SH3BP4: variants seen among roughly 807,000 people sequenced by gnomAD.
SH3BP4 encodes the protein SH3 domain binding protein 4.
In SH3BP4, 33 loss-of-function variants were observed where a neutral mutation model predicts 65.5. The ratio of observed to expected loss-of-function variants is 0.50; its 90% CI spans 0.38 to 0.67. SH3BP4 has a LOEUF of 0.67. Ranked by LOEUF, SH3BP4 falls within the 30% of genes least tolerant of loss-of-function variation. SH3BP4 has a pLI of 0.00. For synonymous variants in SH3BP4, 552 were observed against 545.5 expected, an observed-to-expected ratio of 1.01 and a Z score of -0.17; for missense variants, 1,134 against 1,261.4, an observed-to-expected ratio of 0.90 and a Z score of 1.53.
intron 1 of SH3BP4, among the ~76,000 whole-genome samples, chr2:234,973,554 C>T (rs1233977293): frequency 6.6e-6 from 1 of 152,174 alleles, no homozygotes; most frequent in Non-Finnish European, 1.5e-5. Context: ...CTTTCTGAGG[C>T]AGTCGTATGC....
At chr2:235,047,024 A>C (rs1695884461) in intron 4 of SH3BP4, among the ~76,000 whole-genome samples, 1 of 152,202 alleles carries the variant, frequency 6.6e-6, no homozygotes, top group Admixed American at 6.5e-5. Context: ...TGTCAGCTGA[A>C]GAATGACAAG....
chr2:235,043,872 T>C (rs2106336884), intron 4 of SH3BP4, among the ~76,000 whole-genome samples: 1 of 152,402 alleles, frequency 6.6e-6, no homozygotes, highest in African/African-American at 2.4e-5. Context: ...TTACGGGGGA[T>C]CCTGGGGGGC....
chr2:235,037,747 C>A (rs944889702), intron 3 of SH3BP4, among the ~76,000 whole-genome samples: 1 of 152,146 alleles, frequency 6.6e-6, no homozygotes, highest in Non-Finnish European at 1.5e-5. Context: ...TCCTGGAGAT[C>A]ATGACTAGCA....
rs918419505 is a variant in SH3BP4 at position 235,025,740 on chromosome 2, A to T, written c.-132-9131A>T. 5.3e-5 allele frequency among the ~76,000 whole-genome samples: 8 copies of T among 152,220 alleles called. No individual in the cohort carries two copies. The East Asian group carries it at 1.5e-3, about 29-fold the overall frequency. On this transcript the variant is annotated intron_variant, in intron 2 of 5. Transcript: ENST00000392011. ...GGATAAAAGCAGTAAATGCCTAGAG[A>T]TGATGACGGGTGTCCAGGAGAGCTA...
intron 2 of SH3BP4, among the ~76,000 whole-genome samples, chr2:234,996,983 G>A (rs974555741): frequency 7.7e-5 from 11 of 142,530 alleles, no homozygotes; most frequent in African/African-American, 2.8e-4. Flanking sequence ...AGACATCTGG[G>A]AAGAGGAACG....
At chr2:235,017,895 G>A (rs558222582) in intron 2 of SH3BP4, among the ~76,000 whole-genome samples, 2 of 152,094 alleles carry the variant, frequency 1.3e-5, no homozygotes, top group African/African-American at 2.4e-5. Context: ...TTCCTGAAAC[G>A]CAGCAAGACT....
chr2:234,960,954 A>G (rs1434403044), intron 1 of SH3BP4, among the ~76,000 whole-genome samples: 1 of 152,206 alleles, frequency 6.6e-6, no homozygotes, highest in Non-Finnish European at 1.5e-5. Flanking sequence ...CACAGACTGC[A>G]ATATGAGAAG....
intron 2 of SH3BP4, among the ~76,000 whole-genome samples, chr2:235,032,922 G>T (rs1391396373): frequency 2.0e-5 from 3 of 152,330 alleles, no homozygotes; most frequent in East Asian, 3.9e-4. Context: ...AACTTCATGG[G>T]GAAAGATGGA....
At chr2:234,975,387 CT>C (rs752265743) in intron 1 of SH3BP4, among the ~76,000 whole-genome samples, 12 of 152,164 alleles carry the variant, frequency 7.9e-5, no homozygotes, top group Non-Finnish European at 1.8e-4. Context: ...GCCCAGAACT[CT>C]GTCTGCACCT....
At chr2:235,023,587 T>C (rs1181569992) in intron 2 of SH3BP4, among the ~76,000 whole-genome samples, 2 of 152,128 alleles carry the variant, frequency 1.3e-5, no homozygotes, top group Non-Finnish European at 1.5e-5. Context: ...AAATTCATTT[T>C]ATAAAAAGCG....
chr2:235,027,751 G>A lies in SH3BP4; in HGVS notation c.-132-7120G>A, dbSNP rs112487810. Among the ~76,000 whole-genome samples the A allele has an allele frequency of 1.6e-3, 249 of 152,324 alleles. 1 individual carries two copies. Among genetic ancestry groups the A allele is most frequent in the African/African-American group, 5.7e-3 (235 of 41,580 alleles). Reference sequence around the variant, plus strand: ...AGGCCAGCTGCTTTCCTTCTGCAGCGTTCAGGTTCGTGGCCGCAGGAGAAC... The same window carrying A: ...AGGCCAGCTGCTTTCCTTCTGCAGCATTCAGGTTCGTGGCCGCAGGAGAAC... On this transcript the variant is annotated intron_variant, in intron 2 of 5. Coordinates refer to ENST00000392011, the MANE Select transcript of SH3BP4 (RefSeq NM_014521.3).
At chr2:234,962,744 A>G (rs1041504153) in intron 1 of SH3BP4, among the ~76,000 whole-genome samples, 1 of 150,712 alleles carries the variant, frequency 6.6e-6, no homozygotes, top group Non-Finnish European at 1.5e-5. Flanking sequence ...AATGAATACT[A>G]TGCTTTTTTT....
Position 235,041,288 on chromosome 2 carries a change from G to T in SH3BP4, c.519G>T (p.Gly173=), listed in dbSNP as rs779136480. 12 of 1,614,042 alleles carry T rather than the reference G, an allele frequency of 7.4e-6. No homozygotes were observed. Among genetic ancestry groups the T allele is most frequent in the Admixed American group, 1.7e-5 (1 of 60,008 alleles). ...TCCAGACCAATCCATTTCTGAATGG[G>T]AACGTGCCCGTCATGCCCAGCCTGG... The part of the protein sequence containing the change: ...NGVQTNPFLN[G]NVPVMPSLDE... Residue 173 remains glycine, a synonymous_variant, in exon 4 of 6, where the codon GGG becomes GGT. Transcript: ENST00000392011. The surrounding 1 kb of genome is among the most constrained non-coding windows in gnomAD (Gnocchi z 6.0).
intron 1 of SH3BP4, among the ~76,000 whole-genome samples, chr2:234,965,178 A>G (rs994372291): frequency 6.6e-6 from 1 of 152,254 alleles, no homozygotes; most frequent in African/African-American, 2.4e-5. Context: ...CTTTCATCCC[A>G]GAGAGAAAAA....
At position 235,055,292 on chromosome 2, in the gene SH3BP4, T is replaced by TA. The variant is rs1215021132; in HGVS notation, c.*1478dup. On this transcript the variant is annotated 3_prime_UTR_variant, in exon 6 of 6. Coordinates refer to ENST00000392011, the MANE Select transcript of SH3BP4 (RefSeq NM_014521.3). Reference sequence around the variant, plus strand: ...CTTGAAACATGTTACTTCCTTAGTATAATCAATGTATACTCCCTTACTGGC... The same window carrying TA: ...CTTGAAACATGTTACTTCCTTAGTATAAATCAATGTATACTCCCTTACTGGC... 1.3e-5 allele frequency: 2 copies of TA among 152,514 alleles called. No homozygotes were observed. The allele number at this position is 152,514 out of a possible 1,614,324, so 9.4% of individuals were successfully genotyped here.
At chr2:234,982,427 G>A (rs1693416537) in intron 1 of SH3BP4, among the ~76,000 whole-genome samples, 1 of 152,184 alleles carries the variant, frequency 6.6e-6, no homozygotes, top group Admixed American at 6.5e-5. Context: ...TGTGCAGCTC[G>A]TAAATGGAAC....
Position 235,026,765 on chromosome 2 carries a change from G to A in SH3BP4, c.-132-8106G>A, listed in dbSNP as rs1023002302. The stretch of plus-strand genomic sequence containing the variant: ...GGCGTGGTCTTGGCTCTGAATAACC[G>A]CTGCTACCTCCTAAATTGAACTCAG... On this transcript the variant is annotated intron_variant, in intron 2 of 5. Coordinates refer to ENST00000392011, the MANE Select transcript of SH3BP4 (RefSeq NM_014521.3). The surrounding 1 kb of genome is among the most constrained non-coding windows in gnomAD (Gnocchi z 4.6). Among the ~76,000 whole-genome samples the A allele has an allele frequency of 5.3e-5, 8 of 152,034 alleles. No homozygotes were observed. Among genetic ancestry groups the A allele is most frequent in the African/African-American group, 2.4e-5 (1 of 41,386 alleles).
intron 2 of SH3BP4, among the ~76,000 whole-genome samples, chr2:235,004,539 C>T (rs1477279236): frequency 1.3e-5 from 2 of 152,206 alleles, no homozygotes; most frequent in African/African-American, 2.4e-5. Context: ...CTCCTTCCCG[C>T]CCCTGACAAC....
At chr2:235,000,814 G>C (rs535901653) in intron 2 of SH3BP4, among the ~76,000 whole-genome samples, 36 of 152,322 alleles carry the variant, frequency 2.4e-4, no homozygotes, top group Admixed American at 5.9e-4. Context: ...CCACACACTG[G>C]GGCCTGTCCC....
Sources: allele counts gnomAD v4.1 joint callset (sites outside exome capture counted in the v4.1 genomes callset), GRCh38; gene constraint gnomAD v4.1.1; non-coding constraint Gnocchi (gnomAD v3.1); transcripts MANE v1.5; gene names NCBI Gene and HGNC (gene_info 2026-07-23, HGNC 2026-07-21).